Variants in ASMT observed in about 807,000 individuals in gnomAD.
ASMT encodes acetylserotonin N-methyltransferase.
Under a neutral mutation model 41.3 loss-of-function variants are expected in ASMT, and 53 were observed. The observed-to-expected ratio is 1.28, with a 90% CI of 1.03 to 1.61. The LOEUF (loss-of-function observed/expected upper bound fraction) is 1.61. ASMT is among the 40% of genes most tolerant of loss of function. The pLI is 0.00. For synonymous variants in ASMT, 231 were observed against 184.8 expected (o/e 1.25, Z -2.03); for missense variants, 531 against 441.3 (o/e 1.20, Z -1.82).
chrX:1,619,004 C>T (rs1409016152), intron 1 of ASMT, among the ~76,000 whole-genome samples: 1 of 152,168 alleles, frequency 6.6e-6, no homozygotes, highest in Non-Finnish European at 1.5e-5. Flanking sequence ...GTTAATACCA[C>T]CTTAAGAGGA....
At chrX:1,631,644 G>A (rs6644784) in intron 5 of ASMT, among the ~76,000 whole-genome samples, 23,020 of 151,898 alleles carry the variant, frequency 0.15, 1,812 homozygotes, top group East Asian at 0.36. Context: ...ACCGGGCGCG[G>A]TGGCTCACTC....
At chrX:1,623,782 C>T (rs56174801) in intron 2 of ASMT, among the ~76,000 whole-genome samples, 6,707 of 151,622 alleles carry the variant, frequency 0.044, 478 homozygotes, top group African/African-American at 0.15. Context: ...AGGCTGGTCT[C>T]GAGCTCCTGA....
intron 8 of ASMT, among the ~76,000 whole-genome samples, chrX:1,641,507 G>A (rs749578611): frequency 6.7e-6 from 1 of 149,410 alleles, no homozygotes; most frequent in Non-Finnish European, 1.5e-5. Context: ...ATGGGGACGT[G>A]AGCACAGCCT....
chrX:1,636,214 C>T (rs1260732871), intron 7 of ASMT: 6 of 637,826 alleles, frequency 9.4e-6, no homozygotes, highest in Non-Finnish European at 1.4e-5. Flanking sequence ...ACCTCCGCCT[C>T]CCAAAGTGCT....
At position 1,623,184 on chromosome X, in the gene ASMT, G is replaced by A. The variant is rs375160719; in HGVS notation, c.115G>A (p.Glu39Lys). 12 of 1,613,084 alleles carry A rather than the reference G, an allele frequency of 7.4e-6. No individual in the cohort carries two copies. Among genetic ancestry groups the A allele is most frequent in the African/African-American group, 4.0e-5 (3 of 74,866 alleles). The change falls in exon 2 of 9, where the codon GAG (glutamate) becomes AAG (lysine). Residue 39 changes from glutamate (E) to lysine (K), a missense_variant. Coordinates refer to ENST00000381241, the MANE Select transcript of ASMT (RefSeq NM_001171038.2). Reference sequence around the variant, plus strand: ...GCTGGGCGTGTTTGACCTTCTCGCCGAGGCCCCAGGGCCCCTGGACGTGGC... The same window carrying A: ...GCTGGGCGTGTTTGACCTTCTCGCCAAGGCCCCAGGGCCCCTGGACGTGGC... ...CELGVFDLLA[E>K]APGPLDVAAV...
At chrX:1,628,800 A>C (rs867330773) in intron 4 of ASMT, among the ~76,000 whole-genome samples, 224 of 101,130 alleles carry the variant, frequency 2.2e-3, no homozygotes, top group African/African-American at 2.6e-3. Context: ...CCCTCCCTTC[A>C]CCTGCCTCTC....
chrX:1,615,972 G>GC (rs1425834371), intron 1 of ASMT, among the ~76,000 whole-genome samples: 2 of 152,150 alleles, frequency 1.3e-5, no homozygotes, highest in Non-Finnish European at 2.9e-5. Flanking sequence ...ATTACACTGT[G>GC]CGTTTATCAT....
chrX:1,633,933 C>A (rs751910743), intron 7 of ASMT, among the ~76,000 whole-genome samples: 1 of 147,860 alleles, frequency 6.8e-6, no homozygotes, highest in East Asian at 1.9e-4. Flanking sequence ...CCATCACACC[C>A]GGCCTCTTTT....
chrX:1,616,771 C>G (rs1441173039), intron 1 of ASMT, among the ~76,000 whole-genome samples: 8 of 151,168 alleles, frequency 5.3e-5, no homozygotes, highest in Middle Eastern at 3.4e-3. Context: ...TGCAATGGCA[C>G]GATCTCGGCT....
chrX:1,636,975 G>T (rs1224353433), intron 8 of ASMT, among the ~76,000 whole-genome samples: 23 of 77,074 alleles, frequency 3.0e-4, no homozygotes, highest in Admixed American at 1.3e-3. Flanking sequence ...GATGGCACAT[G>T]AGGATGTGGG....
intron 7 of ASMT, among the ~76,000 whole-genome samples, chrX:1,634,976 C>CT (rs772826246): frequency 0.083 from 9,327 of 111,870 alleles, 720 homozygotes; most frequent in African/African-American, 0.15. Context: ...TGAGTTAACT[C>CT]TTTTTTTTTT....
chrX:1,622,343 T>C (rs181163807), intron 1 of ASMT, among the ~76,000 whole-genome samples: 5 of 151,040 alleles, frequency 3.3e-5, no homozygotes, highest in Non-Finnish European at 7.4e-5. Flanking sequence ...AGGCTTGGAG[T>C]GCAGTGGTGA....
intron 4 of ASMT, chrX:1,628,044 G>T: frequency 1.9e-6 from 1 of 535,610 alleles, no homozygotes; most frequent in South Asian, 2.2e-5. Context: ...GCACGCGCCG[G>T]GCGCGGTGGC....
intron 7 of ASMT, 98 bp from the exon 8 acceptor site, chrX:1,636,340 G>A: frequency 1.3e-6 from 2 of 1,570,280 alleles, no homozygotes; most frequent in Non-Finnish European, 1.8e-6. Flanking sequence ...ACCTGGGAAA[G>A]GCGTGACCCA....
At chrX:1,630,079 C>A in intron 5 of ASMT, 140 bp downstream of exon 5, 2 of 813,478 alleles carry the variant, frequency 2.5e-6, no homozygotes, top group Non-Finnish European at 2.2e-6. Context: ...TCATTCCTCC[C>A]AGCACTGGGC....
chrX:1,623,069 TG>T, intron 1 of ASMT, 69 bp from the exon 2 acceptor site: 1 of 1,488,054 alleles, frequency 6.7e-7, no homozygotes, highest in Non-Finnish European at 9.4e-7. Flanking sequence ...TGCCATGGTA[TG>T]GGGTGTTTCT....
chrX:1,622,577 A>C (rs755424924), intron 1 of ASMT, among the ~76,000 whole-genome samples: 3 of 151,976 alleles, frequency 2.0e-5, no homozygotes, highest in Admixed American at 2.0e-4. Flanking sequence ...GAGTTAAAGC[A>C]CCCAGCCAGG....
At chrX:1,617,549 C>G (rs1342549498) in intron 1 of ASMT, among the ~76,000 whole-genome samples, 8 of 151,960 alleles carry the variant, frequency 5.3e-5, no homozygotes, top group Non-Finnish European at 1.2e-4. Flanking sequence ...TGCAGCAGCT[C>G]TCGTGTGACT....
intron 1 of ASMT, among the ~76,000 whole-genome samples, chrX:1,616,950 C>T (rs778700032): frequency 5.9e-5 from 9 of 152,054 alleles, no homozygotes; most frequent in East Asian, 3.9e-4. Context: ...CCTCATGATC[C>T]GCCCGCCTCG....
Sources: allele counts gnomAD v4.1 joint callset (sites outside exome capture counted in the v4.1 genomes callset), GRCh38; gene constraint gnomAD v4.1.1; transcripts MANE v1.5; gene names NCBI Gene and HGNC (gene_info 2026-07-23, HGNC 2026-07-21).